The following GRIK2 variants were observed in gnomAD, a reference collection of about 807,000 sequenced individuals.
GRIK2 encodes glutamate receptor ionotropic, kainate 2.
In GRIK2, 32 loss-of-function variants were observed where a neutral mutation model predicts 100.3. The ratio of observed to expected loss-of-function variants is 0.32; its 90% CI spans 0.24 to 0.43. The LOEUF is 0.43. Ranked by LOEUF, GRIK2 falls within the 20% of genes least tolerant of loss-of-function variation. The pLI, the probability that GRIK2 is intolerant of heterozygous loss-of-function variation, is 1.00. For synonymous variants in GRIK2, 417 were observed against 389.4 expected (o/e 1.07, Z -0.83); for missense variants, 843 against 1,114.9 (o/e 0.76, Z 3.47).
chr6:101,399,239 CG>C lies in GRIK2; in HGVS notation c.-35del, dbSNP rs757846039. 1 of 970,828 alleles carries C rather than the reference CG, an allele frequency of 1.0e-6. No homozygotes were observed. The allele number at this position is 970,828 out of a possible 1,614,324, so 60.1% of individuals were successfully genotyped here. A position where few individuals can be genotyped will look rare whatever the true frequency, so the allele number is the denominator to read the frequency against. On this transcript the variant is annotated 5_prime_UTR_variant, in exon 2 of 17. Transcript: ENST00000369134. ...CGAACCCAGGAGCCGAACGCTAGAT[CG>C]GGGAAGTGGGTGCCGTGCGTGTGGG...
At chr6:101,885,282 G>T (rs1786534782) in intron 11 of GRIK2, among the ~76,000 whole-genome samples, 1 of 152,080 alleles carries the variant, frequency 6.6e-6, no homozygotes, top group Non-Finnish European at 1.5e-5. Context: ...AAGAACCAGA[G>T]ATGTGTCTTA....
intron 2 of GRIK2, among the ~76,000 whole-genome samples, chr6:101,536,890 T>C (rs965753666): frequency 1.3e-5 from 2 of 151,736 alleles, no homozygotes; most frequent in Non-Finnish European, 3.0e-5. Flanking sequence ...CAAATGAGCT[T>C]AATATTACCC....
chr6:101,961,226 C>G (rs1330524765), intron 14 of GRIK2, among the ~76,000 whole-genome samples: 1 of 152,150 alleles, frequency 6.6e-6, no homozygotes, highest in Non-Finnish European at 1.5e-5. Flanking sequence ...ATCCCTACCC[C>G]ATAGCTACCA....
intron 2 of GRIK2, among the ~76,000 whole-genome samples, chr6:101,532,550 T>A (rs932847228): frequency 1.3e-5 from 2 of 150,590 alleles, no homozygotes; most frequent in African/African-American, 4.9e-5. Context: ...TTTTTTTTTT[T>A]AAAGTTTTAT....
chr6:102,027,906 A>G (rs894943084), intron 14 of GRIK2, among the ~76,000 whole-genome samples: 30 of 151,154 alleles, frequency 2.0e-4, no homozygotes, highest in African/African-American at 7.0e-4. Context: ...AAGAAGATCT[A>G]TGCAAGTGGT....
chr6:101,947,625 T>C (rs1451398775), intron 14 of GRIK2, among the ~76,000 whole-genome samples: 2 of 152,152 alleles, frequency 1.3e-5, no homozygotes, highest in Non-Finnish European at 2.9e-5. Context: ...GTCAGTTTTA[T>C]TTCCTTCTGT....
At chr6:101,659,804 C>G (rs1325032226) in intron 4 of GRIK2, among the ~76,000 whole-genome samples, 1 of 152,200 alleles carries the variant, frequency 6.6e-6, no homozygotes, top group Non-Finnish European at 1.5e-5. Context: ...GGCCCCCACT[C>G]TCTTCTGGCT....
chr6:101,848,135 A>G (rs1390189437), intron 10 of GRIK2, among the ~76,000 whole-genome samples: 3 of 152,128 alleles, frequency 2.0e-5, no homozygotes, highest in Non-Finnish European at 4.4e-5. Context: ...AATGCAGGCT[A>G]CTATCTTCAA....
chr6:101,555,355 C>T (rs534341863), intron 2 of GRIK2, among the ~76,000 whole-genome samples: 2 of 152,120 alleles, frequency 1.3e-5, no homozygotes, highest in Non-Finnish European at 2.9e-5. Flanking sequence ...TGGACCTTAT[C>T]CCCTTATGGC....
chr6:101,565,915 T>TTTTATATA (rs1484860305), intron 2 of GRIK2, among the ~76,000 whole-genome samples: 3 of 123,338 alleles, frequency 2.4e-5, no homozygotes, highest in African/African-American at 1.0e-4. Context: ...TATACCTATT[T>TTTTATATA]TATATATATA....
intron 2 of GRIK2, 133 bp from the exon 3 acceptor site, chr6:101,621,816 C>T: frequency 1.5e-6 from 1 of 655,006 alleles, no homozygotes; most frequent in South Asian, 1.8e-5. Context: ...CTCTCTTTCT[C>T]TCTCTCACAC....
chr6:101,930,866 C>G (rs1433822821), intron 14 of GRIK2, among the ~76,000 whole-genome samples: 1 of 152,050 alleles, frequency 6.6e-6, no homozygotes, highest in Admixed American at 6.6e-5. Flanking sequence ...GTGCCTCTAG[C>G]ACCTTGAGAA....
chr6:101,613,763 A>G (rs1004593915), intron 2 of GRIK2, among the ~76,000 whole-genome samples: 3 of 139,868 alleles, frequency 2.1e-5, no homozygotes, highest in Non-Finnish European at 3.1e-5. Context: ...CTGTGTTCAG[A>G]AAAAAAAAAA....
chr6:102,014,854 T>C (rs1378818821), intron 14 of GRIK2, among the ~76,000 whole-genome samples: 1 of 152,148 alleles, frequency 6.6e-6, no homozygotes, highest in Non-Finnish European at 1.5e-5. Flanking sequence ...TTATATCTGA[T>C]TATGTAGTTG....
chr6:101,476,258 G>A (rs1388282467), intron 2 of GRIK2, among the ~76,000 whole-genome samples: 1 of 152,014 alleles, frequency 6.6e-6, no homozygotes, highest in Non-Finnish European at 1.5e-5. Flanking sequence ...TGGCTGTATT[G>A]TCTTCACACA....
At chr6:101,470,215 C>T (rs1319411902) in intron 2 of GRIK2, among the ~76,000 whole-genome samples, 3 of 152,120 alleles carry the variant, frequency 2.0e-5, no homozygotes, top group African/African-American at 4.8e-5. Flanking sequence ...GTACTCTGGA[C>T]TACCCACGTT....
At chr6:101,769,040 CT>C (rs1778231666) in intron 7 of GRIK2, among the ~76,000 whole-genome samples, 1 of 152,018 alleles carries the variant, frequency 6.6e-6, no homozygotes. Context: ...TATTATTGCT[CT>C]GATTTTTTTA....
chr6:101,943,911 T>C, intron 14 of GRIK2, among the ~76,000 whole-genome samples: 1 of 152,138 alleles, frequency 6.6e-6, no homozygotes, highest in East Asian at 1.9e-4. Flanking sequence ...GGACATGCAA[T>C]TTGGGAGGGG....
intron 11 of GRIK2, among the ~76,000 whole-genome samples, chr6:101,884,343 G>A (rs9485555): frequency 0.012 from 1,794 of 152,100 alleles, 37 homozygotes; most frequent in African/African-American, 0.042. Flanking sequence ...AGAAAACAAC[G>A]TTTAGAACTG....
Sources: gnomAD v4.1 joint callset for allele counts (sites outside exome capture counted in the v4.1 genomes callset) on GRCh38, gnomAD v4.1.1 for gene constraint, MANE v1.5 for transcripts, NCBI Gene and HGNC (gene_info 2026-07-23, HGNC 2026-07-21) for gene names.